WAC: variants seen among roughly 807,000 people sequenced by gnomAD.
The protein encoded by WAC is WW domain containing adaptor with coiled-coil.
In WAC, 11 loss-of-function variants were observed where a neutral mutation model predicts 79.6. The observed-to-expected ratio is 0.14, with a 90% CI of 0.09 to 0.23. The LOEUF (loss-of-function observed/expected upper bound fraction) is 0.23. Ranked by LOEUF, WAC falls within the 10% of genes least tolerant of loss-of-function variation. The probability of loss-of-function intolerance (pLI) is 1.00; values close to 1 mark genes in which losing one functional copy is unlikely to be tolerated. For synonymous variants in WAC, 304 were observed against 276.9 expected (o/e 1.10, Z -0.97); for missense variants, 728 against 773.5 (o/e 0.94, Z 0.70).
At chr10:28,592,215 C>G (rs1589214328) in intron 6 of WAC, among the ~76,000 whole-genome samples, 1 of 152,076 alleles carries the variant, frequency 6.6e-6, no homozygotes, top group East Asian at 1.9e-4. Context: ...TCTTAATAAA[C>G]TGACTTTTGT....
At chr10:28,611,665 G>T (rs11007161) in intron 9 of WAC, 109 bp from the exon 10 acceptor site, 2 of 1,361,526 alleles carry the variant, frequency 1.5e-6, no homozygotes, top group Non-Finnish European at 2.0e-6. Flanking sequence ...ATATGGGGGT[G>T]GGGGGGTTTA....
intron 7 of WAC, among the ~76,000 whole-genome samples, chr10:28,600,896 T>C (rs750412918): frequency 6.6e-6 from 1 of 151,562 alleles, no homozygotes; most frequent in African/African-American, 2.4e-5. Flanking sequence ...GACAATCCAA[T>C]GAACAGAAAA....
At chr10:28,561,508 A>T (rs868846383) in intron 3 of WAC, among the ~76,000 whole-genome samples, 3 of 148,278 alleles carry the variant, frequency 2.0e-5, no homozygotes, top group African/African-American at 7.3e-5. Context: ...TTTTTTTTTT[A>T]AAGATGGCAT....
rs188384010 is a variant in WAC at position 28,590,805 on chromosome 10, A to G, written c.583A>G (p.Thr195Ala). The G allele has an allele frequency of 2.8e-4, 459 of 1,610,804 alleles. No individual in the cohort carries two copies. The African/African-American group carries it at 5.1e-3, about 18-fold the overall frequency. ...TTACAGAAGAGAGGTGATGCAAGCA[A>G]CAGCCACTAGTGGGTTTGCCAGTGG... is the stretch of plus-strand genomic sequence containing the variant. ...RDYRREVMQA[T>A]ATSGFASGME... Residue 195 changes from threonine to alanine, a missense_variant, in exon 6 of 14, where the codon ACA becomes GCA. Thr to Ala is a moderately conservative substitution (Grantham distance 58, BLOSUM62 0). Coordinates refer to ENST00000354911, the MANE Select transcript of WAC (RefSeq NM_016628.5).
chr10:28,591,160 A>C (rs1840064802), intron 6 of WAC: 1 of 259,820 alleles, frequency 3.8e-6, no homozygotes, highest in Non-Finnish European at 7.4e-6. Flanking sequence ...CCTGCCCTTA[A>C]GTTGTGTCCT....
At chr10:28,590,372 T>G (rs1339169028) in intron 5 of WAC, among the ~76,000 whole-genome samples, 1 of 151,686 alleles carries the variant, frequency 6.6e-6, no homozygotes, top group Non-Finnish European at 1.5e-5. Flanking sequence ...AAAGGACTTT[T>G]GAATAGTCAG....
chr10:28,601,451 C>G (rs1840644379), intron 7 of WAC, among the ~76,000 whole-genome samples: 2 of 152,066 alleles, frequency 1.3e-5, no homozygotes, highest in African/African-American at 2.4e-5. Flanking sequence ...AACCCTTGTA[C>G]ATTGTTGGTA....
intron 3 of WAC, among the ~76,000 whole-genome samples, chr10:28,583,112 C>G (rs759398105): frequency 3.9e-5 from 6 of 151,958 alleles, no homozygotes; most frequent in Non-Finnish European, 8.8e-5. Context: ...CCAGAAGTTG[C>G]TACAAATGAT....
intron 3 of WAC, among the ~76,000 whole-genome samples, chr10:28,570,510 C>T (rs1277539348): frequency 6.6e-6 from 1 of 152,144 alleles, no homozygotes; most frequent in Admixed American, 6.5e-5. Flanking sequence ...AAGAGTTGAT[C>T]CTTAATCACC....
chr10:28,545,157 C>T (rs1382712810), intron 3 of WAC, among the ~76,000 whole-genome samples: 2 of 152,036 alleles, frequency 1.3e-5, no homozygotes, highest in African/African-American at 2.4e-5. Flanking sequence ...ACTCCCTCCC[C>T]ATTACCCAGA....
chr10:28,616,460 A>T, intron 12 of WAC, 98 bp downstream of exon 12: 2 of 977,506 alleles, frequency 2.0e-6, no homozygotes, highest in Non-Finnish European at 2.8e-6. Context: ...AATTCAAGCA[A>T]TATTTAAAAT....
intron 3 of WAC, among the ~76,000 whole-genome samples, chr10:28,541,415 G>GTGTTTTTTTTTTTTTTTTT (rs1212601285): frequency 2.6e-5 from 1 of 37,890 alleles, no homozygotes; most frequent in Non-Finnish European, 4.2e-5. Flanking sequence ...GTGTGTGTGT[G>GTGTTTTTTTTTTTTTTTTT]TTTTGTTTTT....
chr10:28,541,265 T>A (rs1440126496), intron 3 of WAC, among the ~76,000 whole-genome samples: 1 of 152,046 alleles, frequency 6.6e-6, no homozygotes, highest in Non-Finnish European at 1.5e-5. Context: ...CAGAATTGTT[T>A]GGGGGGTAGT....
At chr10:28,579,380 G>A (rs1380422957) in intron 3 of WAC, among the ~76,000 whole-genome samples, 2 of 152,020 alleles carry the variant, frequency 1.3e-5, no homozygotes, top group Non-Finnish European at 2.9e-5. Flanking sequence ...TCACCAGCAT[G>A]TATATATTAT....
intron 7 of WAC, among the ~76,000 whole-genome samples, chr10:28,597,010 G>C (rs1389125884): frequency 7.2e-5 from 11 of 152,010 alleles, no homozygotes; most frequent in Non-Finnish European, 1.6e-4. Context: ...TTATAGTTGA[G>C]CAGAAACTCA....
At chr10:28,572,957 A>G (rs1463890878) in intron 3 of WAC, among the ~76,000 whole-genome samples, 1 of 152,192 alleles carries the variant, frequency 6.6e-6, no homozygotes, top group Non-Finnish European at 1.5e-5. Flanking sequence ...GTACAGTGTC[A>G]GGCAATATCT....
At chr10:28,608,480 T>A (rs754233062) in intron 8 of WAC, 49 bp downstream of exon 8, 3 of 1,487,104 alleles carry the variant, frequency 2.0e-6, no homozygotes, top group Non-Finnish European at 2.7e-6. Flanking sequence ...TTGTGCAAAG[T>A]TATGTAAGTA....
In WAC at chr10:28,533,556, C is replaced by G. The variant is rs1048816146; in HGVS notation, c.-24C>G. 12 of 1,481,908 alleles carry G rather than the reference C, an allele frequency of 8.1e-6. No homozygotes were observed. Among genetic ancestry groups the G allele is most frequent in the African/African-American group, 1.5e-5 (1 of 68,472 alleles). 91.8% of individuals were successfully genotyped at this position (1,481,908 alleles called of 1,614,324 possible). On this transcript the variant is annotated 5_prime_UTR_variant, in exon 1 of 14. Coordinates refer to ENST00000354911, the MANE Select transcript of WAC (RefSeq NM_016628.5). ...CGCGGCCGCTCTCCCCCCTCCCCGACACACACTCACAGGCCGGGCATTGAT... is the reference window on the plus strand; with the variant it reads ...CGCGGCCGCTCTCCCCCCTCCCCGAGACACACTCACAGGCCGGGCATTGAT...
chr10:28,568,964 A>T (rs1004755782), intron 3 of WAC, among the ~76,000 whole-genome samples: 1 of 152,184 alleles, frequency 6.6e-6, no homozygotes. Flanking sequence ...CAATATATGC[A>T]TTGTACATGT....
Sources: gnomAD v4.1 joint callset for allele counts (sites outside exome capture counted in the v4.1 genomes callset) on GRCh38, gnomAD v4.1.1 for gene constraint, MANE v1.5 for transcripts, NCBI Gene and HGNC (gene_info 2026-07-23, HGNC 2026-07-21) for gene names.